Variants in ADGRL2 observed in about 807,000 individuals in gnomAD.
ADGRL2 encodes adhesion G protein-coupled receptor L2, also known as calcium-independent alpha-latrotoxin receptor 2.
In ADGRL2, 44 loss-of-function variants were observed where a neutral mutation model predicts 157.4. That is an observed-to-expected ratio of 0.28 (90% CI 0.22 to 0.36). The LOEUF (loss-of-function observed/expected upper bound fraction) is 0.36. Among genes scored for constraint, ADGRL2 ranks in the 10% least tolerant of loss-of-function variants. The probability of loss-of-function intolerance (pLI) is 1.00; values close to 1 mark genes in which losing one functional copy is unlikely to be tolerated. For missense variants in ADGRL2, 1,510 were observed against 1,768.9 expected, an observed-to-expected ratio of 0.85 and a Z score of 2.63; for synonymous variants, 585 against 624.7, an observed-to-expected ratio of 0.94 and a Z score of 0.95.
intron 1 of ADGRL2, among the ~76,000 whole-genome samples, chr1:81,726,326 G>A (rs79673586): frequency 1.9e-3 from 292 of 152,140 alleles, no homozygotes; most frequent in Middle Eastern, 6.8e-3. Flanking sequence ...ATTAATACTG[G>A]GTTACTGAAA....
In ADGRL2 at chr1:81,607,741, C is replaced by T. The variant is rs1185675116; in HGVS notation, c.-143+26761C>T. On this transcript the variant is annotated intron_variant, in intron 3 of 24. Coordinates refer to the ADGRL2 transcript ENST00000370721. ...GAAATCTCTCCCAAAATATAATTGC[C>T]TAACTTCCTGACATGACTTGACATT... Among the ~76,000 whole-genome samples the T allele has an allele frequency of 2.6e-5, 4 of 152,250 alleles. No homozygotes were observed. In the South Asian group the frequency reaches 8.3e-4, roughly 32 times the overall value.
At chr1:81,372,038 G>A (rs751695386) in intron 1 of ADGRL2, among the ~76,000 whole-genome samples, 5 of 152,128 alleles carry the variant, frequency 3.3e-5, no homozygotes, top group African/African-American at 4.8e-5. Flanking sequence ...TCTCTGTCCC[G>A]AGACCAGTAA....
At chr1:81,565,589 C>A (rs866614988) in intron 2 of ADGRL2, among the ~76,000 whole-genome samples, 123 of 152,330 alleles carry the variant, frequency 8.1e-4, no homozygotes, top group African/African-American at 2.6e-3. Flanking sequence ...TTGAAAACTT[C>A]TGGCAGCATG....
chr1:81,579,703 A>G (rs2080867723), intron 2 of ADGRL2, among the ~76,000 whole-genome samples: 1 of 152,078 alleles, frequency 6.6e-6, no homozygotes, highest in Non-Finnish European at 1.5e-5. Context: ...CATAAATAAA[A>G]TACAGTGCTT....
intron 1 of ADGRL2, among the ~76,000 whole-genome samples, chr1:81,327,017 T>G (rs1660949319): frequency 6.6e-6 from 1 of 152,180 alleles, no homozygotes; most frequent in Non-Finnish European, 1.5e-5. Flanking sequence ...CCTAAGCCAC[T>G]TAATACAAAT....
chr1:81,462,690 G>A (rs1222301062), intron 2 of ADGRL2, among the ~76,000 whole-genome samples: 1 of 152,138 alleles, frequency 6.6e-6, no homozygotes, highest in Non-Finnish European at 1.5e-5. Flanking sequence ...TTTATTAAGT[G>A]TTTGATATAT....
intron 2 of ADGRL2, among the ~76,000 whole-genome samples, chr1:81,511,658 A>T (rs1276108746): frequency 2.0e-5 from 3 of 152,108 alleles, no homozygotes; most frequent in East Asian, 1.9e-4. Context: ...GTTTGATATG[A>T]TTCTACTTTC....
chr1:81,956,018 C>A lies in ADGRL2; in HGVS notation c.1975C>A (p.Leu659Ile). 2 of 1,610,478 alleles carry A rather than the reference C, an allele frequency of 1.2e-6. No homozygotes were observed. The highest frequency in any genetic ancestry group is 1.7e-6 in the Non-Finnish European group (2 of 1,178,540). The change falls in exon 11 of 24, where the codon CTT (leucine) becomes ATT (isoleucine). Residue 659 changes from leucine to isoleucine, a missense_variant. Coordinates refer to ENST00000686636, the MANE Select transcript of ADGRL2 (RefSeq NM_001366006.2). ...EEGAFVLADNLLEPTRVSMPT... is the reference protein window; with the variant it reads ...EEGAFVLADNILEPTRVSMPT... ...AGGAGCTTTTGTCCTAGCTGACAAT[C>A]TTTTAGAACCAACAAGGGTCTCAAT...
chr1:81,454,049 T>C (rs1464580558), intron 2 of ADGRL2, among the ~76,000 whole-genome samples: 1 of 152,208 alleles, frequency 6.6e-6, no homozygotes, highest in African/African-American at 2.4e-5. Flanking sequence ...AAATAATGTT[T>C]CGTTTAAAAG....
chr1:81,436,944 A>G (rs2077420677), intron 1 of ADGRL2, among the ~76,000 whole-genome samples: 1 of 152,246 alleles, frequency 6.6e-6, no homozygotes, highest in African/African-American at 2.4e-5. Context: ...CCCCTTTCAG[A>G]GAATGTCTAT....
At chr1:81,513,805 T>C (rs924733582) in intron 2 of ADGRL2, 3 of 152,232 alleles carry the variant, frequency 2.0e-5, no homozygotes, top group Non-Finnish European at 4.4e-5. Context: ...GAAATGTTTC[T>C]AAAATACAGC....
intron 11 of ADGRL2, among the ~76,000 whole-genome samples, chr1:81,957,277 C>T (rs1026588273): frequency 7.2e-5 from 11 of 151,730 alleles, no homozygotes; most frequent in African/African-American, 2.7e-4. Context: ...CTCCCATCAG[C>T]CTTACATATA....
chr1:81,505,959 C>T (rs779231971), intron 2 of ADGRL2: 12 of 222,946 alleles, frequency 5.4e-5, no homozygotes, highest in East Asian at 1.1e-4. Context: ...GATCATTGCA[C>T]GTAAATCAGA....
At chr1:81,386,455 G>A (rs1385846964) in intron 1 of ADGRL2, among the ~76,000 whole-genome samples, 1 of 152,038 alleles carries the variant, frequency 6.6e-6, no homozygotes, top group Non-Finnish European at 1.5e-5. Context: ...TTAGTCACAT[G>A]GTAACAGATG....
chr1:81,492,213 T>C (rs906927924), intron 2 of ADGRL2, among the ~76,000 whole-genome samples: 1 of 152,188 alleles, frequency 6.6e-6, no homozygotes, highest in African/African-American at 2.4e-5. Context: ...TGACCTAATA[T>C]GTAGAAAACG....
At chr1:81,415,904 G>T (rs570128912) in intron 1 of ADGRL2, among the ~76,000 whole-genome samples, 2 of 150,528 alleles carry the variant, frequency 1.3e-5, no homozygotes, top group Non-Finnish European at 2.9e-5. Flanking sequence ...ACAGTGGTGC[G>T]ATCTCAGCTC....
intron 6 of ADGRL2, among the ~76,000 whole-genome samples, chr1:81,948,584 A>C (rs561685485): frequency 8.9e-4 from 136 of 152,168 alleles, no homozygotes; most frequent in Non-Finnish European, 1.8e-3. Context: ...AAAGATTGTG[A>C]TGCTTTTGAC....
chr1:81,792,522 G>A (rs1391235464), intron 2 of ADGRL2, among the ~76,000 whole-genome samples: 7 of 151,944 alleles, frequency 4.6e-5, no homozygotes, highest in Non-Finnish European at 8.8e-5. Context: ...TTATTTAAAT[G>A]ATTTAAAAAT....
chr1:81,415,440 G>A (rs2077016121), intron 1 of ADGRL2, among the ~76,000 whole-genome samples: 1 of 152,140 alleles, frequency 6.6e-6, no homozygotes, highest in Non-Finnish European at 1.5e-5. Context: ...TATTACAAAA[G>A]AAGCAGGATG....
Sources: gnomAD v4.1 joint callset for allele counts (sites outside exome capture counted in the v4.1 genomes callset) on GRCh38, gnomAD v4.1.1 for gene constraint, MANE v1.5 for transcripts, NCBI Gene and HGNC (gene_info 2026-07-23, HGNC 2026-07-21) for gene names.